The following EML1 variants were observed in gnomAD, a reference collection of about 807,000 sequenced individuals.
EML1 encodes the protein EMAP like 1, also known as echinoderm microtubule-associated protein-like 1.
In EML1, 27 loss-of-function variants were observed where a neutral mutation model predicts 110.4. The ratio of observed to expected loss-of-function variants is 0.24; its 90% CI spans 0.18 to 0.34. EML1 has a LOEUF of 0.34. Among genes scored for constraint, EML1 ranks in the 10% least tolerant of loss-of-function variants. The probability of loss-of-function intolerance (pLI) is 1.00; values close to 1 mark genes in which losing one functional copy is unlikely to be tolerated. For synonymous variants in EML1, 344 were observed against 385.8 expected (o/e 0.89, Z 1.27); for missense variants, 741 against 1,030.9 (o/e 0.72, Z 3.85).
intron 16 of EML1, among the ~76,000 whole-genome samples, chr14:99,918,933 C>T (rs1029248684): frequency 6.6e-6 from 1 of 152,192 alleles, no homozygotes; most frequent in South Asian, 2.1e-4. Flanking sequence ...CACCTGGCAC[C>T]TCCTACACAC....
intron 1 of EML1, among the ~76,000 whole-genome samples, chr14:99,825,570 C>T (rs1043102542): frequency 4.6e-5 from 7 of 152,126 alleles, no homozygotes; most frequent in South Asian, 4.2e-4. Flanking sequence ...TGTCCCAGGC[C>T]TTATGTTCAC....
At chr14:99,785,443 G>A (rs1024071332) in intron 1 of EML1, among the ~76,000 whole-genome samples, 1 of 152,194 alleles carries the variant, frequency 6.6e-6, no homozygotes. Context: ...GCCTAAGAAA[G>A]GCAAGAGATG....
At chr14:99,770,204 T>A (rs1466547397), upstream of EML1, among the ~76,000 whole-genome samples, 1 of 152,122 alleles carries the variant, frequency 6.6e-6, no homozygotes, top group African/African-American at 2.4e-5. Flanking sequence ...CAAGAGACAT[T>A]TATTGCTCAC....
intron 1 of EML1, among the ~76,000 whole-genome samples, chr14:99,807,098 G>A (rs937490085): frequency 6.6e-6 from 1 of 152,114 alleles, no homozygotes; most frequent in African/African-American, 2.4e-5. Context: ...CTCATTTGCA[G>A]GACTGTTTAA....
rs543655156 is a variant in EML1, at chr14:99,849,413, C to T, written c.68-1440C>T. On this transcript the variant is annotated intron_variant, in intron 1 of 21. Transcript: ENST00000262233. The stretch of plus-strand genomic sequence containing the variant: ...GTATTTGTTCTTTATCTTTGGTTTT[C>T]AACAGTTTGACTATAATGTACCTTG... Among the ~76,000 whole-genome samples, 4 of 151,916 alleles carry T rather than the reference C, an allele frequency of 2.6e-5. 1 individual carries two copies. The highest frequency in any genetic ancestry group is 2.6e-4 in the Admixed American group (4 of 15,254).
intron 3 of EML1, among the ~76,000 whole-genome samples, chr14:99,875,517 G>C (rs968294896): frequency 6.6e-6 from 1 of 152,158 alleles, no homozygotes; most frequent in East Asian, 1.9e-4. Context: ...TGCTGTAATT[G>C]ATGAACAGTT....
Position 99,897,123 on chromosome 14 carries a change from T to A in EML1, c.678-22T>A, listed in dbSNP as rs1459357544. ...TGTCAGCTCTTAAAGGGAAAAAAAATTTTATCTTGACATCCACAAAGCTAT... is the reference window on the plus strand; with the variant it reads ...TGTCAGCTCTTAAAGGGAAAAAAAAATTTATCTTGACATCCACAAAGCTAT... On this transcript the variant is annotated intron_variant, in intron 6 of 21. Coordinates refer to ENST00000262233, the MANE Select transcript of EML1 (RefSeq NM_004434.3). 8.0e-6 allele frequency: 12 copies of A among 1,503,792 alleles called. No individual in the cohort carries two copies. In the Admixed American group the frequency reaches 9.2e-5, roughly 12 times the overall value. 93.2% of individuals were successfully genotyped at this position (1,503,792 alleles called of 1,614,324 possible).
At chr14:99,815,366 C>T (rs1305352708) in intron 1 of EML1, among the ~76,000 whole-genome samples, 1 of 152,056 alleles carries the variant, frequency 6.6e-6, no homozygotes, top group African/African-American at 2.4e-5. Context: ...TGGTCTCGAT[C>T]TCCTGACCTT....
At position 99,939,353 on chromosome 14, in the gene EML1, C is replaced by A. The variant is rs11849397; in HGVS notation, c.2322+26C>A. ...GTAAAGGACTTGTTTCTTCACTAAT[C>A]TTATCCCCCATGGGGCATGCACGTA... is the stretch of plus-strand genomic sequence containing the variant. On this transcript the variant is annotated intron_variant, in intron 21 of 21. Coordinates refer to ENST00000262233, the MANE Select transcript of EML1 (RefSeq NM_004434.3). This position sits in a 1 kb window ranked among gnomAD's most constrained non-coding sequence, Gnocchi z 4.2. The A allele has an allele frequency of 1.5e-3, 2,403 of 1,613,822 alleles. 35 individuals carry two copies. In the African/African-American group the frequency reaches 0.029, roughly 19 times the overall value.
intron 1 of EML1, among the ~76,000 whole-genome samples, chr14:99,764,386 A>G (rs1045193039): frequency 1.3e-5 from 2 of 152,228 alleles, no homozygotes; most frequent in Non-Finnish European, 2.9e-5. Context: ...GCTGGAATTC[A>G]GCTGCCCTGT....
At chr14:99,749,772 G>A (rs1207141705) in intron 1 of EML1, among the ~76,000 whole-genome samples, 2 of 152,114 alleles carry the variant, frequency 1.3e-5, no homozygotes, top group African/African-American at 2.4e-5. Context: ...GCTGTTCTGC[G>A]GCAGGCCGAG....
At chr14:99,780,649 G>A (rs1595271458) in intron 1 of EML1, among the ~76,000 whole-genome samples, 1 of 152,052 alleles carries the variant, frequency 6.6e-6, no homozygotes, top group South Asian at 2.1e-4. Flanking sequence ...ATGATGAGTG[G>A]GTCAGGGATG....
chr14:99,767,751 G>T (rs1341213435), intron 1 of EML1, among the ~76,000 whole-genome samples: 1 of 152,134 alleles, frequency 6.6e-6, no homozygotes, highest in Admixed American at 6.5e-5. Context: ...TCAGGCCAAG[G>T]TGCTGTTGCA....
chr14:99,852,928 A>G (rs1316421573), intron 2 of EML1, among the ~76,000 whole-genome samples: 2 of 152,214 alleles, frequency 1.3e-5, no homozygotes, highest in East Asian at 3.8e-4. Flanking sequence ...TTAAATAGAA[A>G]CCGCATTATT....
At chr14:99,882,999 G>A (rs1411765613) in intron 4 of EML1, among the ~76,000 whole-genome samples, 1 of 152,130 alleles carries the variant, frequency 6.6e-6, no homozygotes, top group Non-Finnish European at 1.5e-5. Context: ...CTAGCATTTG[G>A]TGACTATTTC....
At chr14:99,814,098 GAC>G (rs1176514384) in intron 1 of EML1, among the ~76,000 whole-genome samples, 1 of 152,130 alleles carries the variant, frequency 6.6e-6, no homozygotes, top group Admixed American at 6.6e-5. Flanking sequence ...TTCAAGAGTT[GAC>G]ACAGTTCTTT....
Position 99,863,304 on chromosome 14 carries a change from G to C in EML1, c.251-2210G>C, listed in dbSNP as rs558427233. On this transcript the variant is annotated intron_variant, in intron 2 of 21. Coordinates refer to ENST00000262233, the MANE Select transcript of EML1 (RefSeq NM_004434.3). ...ATCTTCCTGCCCCCCACTACCTTCA[G>C]TGAGGTTGTCATATGTTTGTCATAC... 2.6e-5 allele frequency among the ~76,000 whole-genome samples: 4 copies of C among 152,170 alleles called. 1 individual carries two copies. Among genetic ancestry groups the C allele is most frequent in the Non-Finnish European group, 4.4e-5 (3 of 68,028 alleles).
At position 99,754,878 on chromosome 14, in the gene EML1, C is replaced by T. The variant is rs138695208; in HGVS notation, c.28+17018C>T. On this transcript the variant is annotated intron_variant, in intron 1 of 10. Coordinates refer to the EML1 transcript ENST00000554479. ...GGCTCAGAGGAGCTGTTGCCTCCCC[C>T]GCCCCATGATCCGGAGACAGCAGGC... 1.1e-4 allele frequency among the ~76,000 whole-genome samples: 17 copies of T among 152,310 alleles called. No homozygotes were observed. The East Asian group carries it at 2.7e-3, about 24-fold the overall frequency.
intron 1 of EML1, among the ~76,000 whole-genome samples, chr14:99,834,893 C>G (rs2058514156): frequency 3.3e-5 from 5 of 152,148 alleles, no homozygotes; most frequent in Admixed American, 2.6e-4. Context: ...GATCTTGGCT[C>G]ACTGCAACCT....
Sources: gnomAD v4.1 joint callset for allele counts (sites outside exome capture counted in the v4.1 genomes callset) on GRCh38, gnomAD v4.1.1 for gene constraint, Gnocchi (gnomAD v3.1) non-coding constraint, MANE v1.5 for transcripts, NCBI Gene and HGNC (gene_info 2026-07-23, HGNC 2026-07-21) for gene names.